The following CIAO2A variants were observed in gnomAD, a reference collection of about 807,000 sequenced individuals.
The protein encoded by CIAO2A is MIP18 family protein FAM96A.
A neutral mutation model predicts 22.4 loss-of-function variants in CIAO2A; 17 were observed. That is an observed-to-expected ratio of 0.76 (90% CI 0.52 to 1.14). CIAO2A has a LOEUF of 1.14. Among genes scored for constraint, CIAO2A ranks in the 50% most tolerant of loss-of-function variants. CIAO2A has a pLI of 0.00. For missense variants in CIAO2A, 192 were observed against 191.4 expected (o/e 1.00, Z -0.02); for synonymous variants, 74 against 72.3 (o/e 1.02, Z -0.12).
intron 2 of CIAO2A, among the ~76,000 whole-genome samples, chr15:64,087,275 T>C (rs955770025): frequency 6.6e-6 from 1 of 151,904 alleles, no homozygotes; most frequent in African/African-American, 2.4e-5. Context: ...ATAGTTTTAG[T>C]AGAGACAGGG....
chr15:64,089,237 A>C lies in CIAO2A; in HGVS notation c.125-386T>G, dbSNP rs188510840. 3.8e-4 allele frequency among the ~76,000 whole-genome samples: 58 copies of C among 152,294 alleles called. 1 individual carries two copies. The highest frequency in any genetic ancestry group is 2.7e-3 in the East Asian group (14 of 5,188). ...AATATTTGACATTTAAAGTGAAGGA[A>C]AGTAGCTGGGCATGGTGGCTCACAC... On this transcript the variant is annotated intron_variant, in intron 1 of 4. Coordinates refer to ENST00000300030, the MANE Select transcript of CIAO2A (RefSeq NM_032231.7).
At chr15:64,087,106 T>TG (rs1401403027) in intron 2 of CIAO2A, among the ~76,000 whole-genome samples, 1 of 145,798 alleles carries the variant, frequency 6.9e-6, no homozygotes, top group Non-Finnish European at 1.5e-5. Flanking sequence ...TTTTTTTTTT[T>TG]GGGAGATAAG....
At chr15:64,086,779 A>G (rs1361400136) in intron 2 of CIAO2A, among the ~76,000 whole-genome samples, 1 of 150,794 alleles carries the variant, frequency 6.6e-6, no homozygotes, top group African/African-American at 2.4e-5. Context: ...ATGCCCAGCT[A>G]ATTTTTGTAT....
chr15:64,086,962 T>A (rs1182729758), intron 2 of CIAO2A, among the ~76,000 whole-genome samples: 4 of 141,442 alleles, frequency 2.8e-5, no homozygotes, highest in Non-Finnish European at 6.2e-5. Flanking sequence ...CCCAGGTTGG[T>A]GTGCAATGGC....
chr15:64,085,233 A>G (rs2080784789), intron 2 of CIAO2A, among the ~76,000 whole-genome samples: 1 of 152,214 alleles, frequency 6.6e-6, no homozygotes, highest in African/African-American at 2.4e-5. Flanking sequence ...TAACTATATA[A>G]TTAAAGAATA....
rs1174224936 is a variant in CIAO2A at position 64,081,123 on chromosome 15, T to C, written c.318A>G (p.Arg106=). The C allele has an allele frequency of 6.2e-7, 1 of 1,613,510 alleles. No homozygotes were observed. The highest frequency in any genetic ancestry group is 8.5e-7 in the Non-Finnish European group (1 of 1,179,890). Residue 106 remains arginine, a synonymous_variant, in exon 3 of 5, where the codon CGA becomes CGG. Transcript: ENST00000300030. ...IGLCLRVKLQ[R]CLPFKHKLEI... ...TTACCTTATGTTTAAATGGTAAACA[T>C]CGCTGAAGTTTTACTCTTAAGCACA...
intron 2 of CIAO2A, 106 bp downstream of exon 2, chr15:64,088,575 TACATAC>T (rs2080815138): frequency 1.3e-6 from 1 of 799,044 alleles, no homozygotes; most frequent in East Asian, 2.7e-5. Flanking sequence ...TAAAGTGTAA[TACATAC>T]ACTGTATGGT....
chr15:64,073,141 C>T (rs4622459), intron 4 of CIAO2A, 113 bp from the exon 5 acceptor site: 408,074 of 637,246 alleles, frequency 0.64, 141,502 homozygotes, highest in East Asian at 0.81. Context: ...GAACTTAAAC[C>T]TGTTTTTGGC....
chr15:64,091,214 C>T (rs2080837110), intron 1 of CIAO2A, among the ~76,000 whole-genome samples: 1 of 152,206 alleles, frequency 6.6e-6, no homozygotes, highest in African/African-American at 2.4e-5. Context: ...AACATGACGG[C>T]TCATGCCTGT....
At chr15:64,081,269 GCTCA>G in intron 2 of CIAO2A, 118 bp from the exon 3 acceptor site, 1 of 844,742 alleles carries the variant, frequency 1.2e-6, no homozygotes, top group Non-Finnish European at 1.9e-6. Flanking sequence ...AACAGCTTTG[GCTCA>G]ATCCAGAGCA....
Position 64,073,002 on chromosome 15 carries a change from G to T in CIAO2A, c.412C>A (p.Arg138=), listed in dbSNP as rs1467688371. The T allele has an allele frequency of 6.2e-7, 1 of 1,613,170 alleles. No individual in the cohort carries two copies. Among genetic ancestry groups the T allele is most frequent in the Non-Finnish European group, 8.5e-7 (1 of 1,179,506 alleles). Residue 138 remains arginine (R), a synonymous_variant, in exon 5 of 5, where the codon CGA becomes AGA. Transcript: ENST00000300030. ...GGGTTTTCCATTGCAGCTGCCACTC[G>T]CTCTTTGTCATTTATCTGCTTATTG... ...DINKQINDKE[R]VAAAMENPNL... is the part of the protein sequence containing the mutation.
intron 3 of CIAO2A, among the ~76,000 whole-genome samples, chr15:64,079,174 A>T (rs1276279874): frequency 1.3e-5 from 2 of 152,176 alleles, no homozygotes; most frequent in Non-Finnish European, 2.9e-5. Flanking sequence ...ATAAAAATTC[A>T]TCTTAAAAAG....
intron 2 of CIAO2A, among the ~76,000 whole-genome samples, chr15:64,087,628 C>T (rs969313416): frequency 2.6e-5 from 4 of 152,114 alleles, no homozygotes; most frequent in Admixed American, 6.5e-5. Flanking sequence ...GCAGAGGGAA[C>T]CCAGGTCAAC....
At chr15:64,083,041 GTAATAA>G (rs546473361) in intron 2 of CIAO2A, among the ~76,000 whole-genome samples, 61 of 148,594 alleles carry the variant, frequency 4.1e-4, no homozygotes, top group Admixed American at 1.5e-3. Context: ...ATCTCTAAAA[GTAATAA>G]TAATAATAAT....
chr15:64,080,207 G>GA (rs1299257362), intron 3 of CIAO2A, among the ~76,000 whole-genome samples: 2 of 151,880 alleles, frequency 1.3e-5, no homozygotes, highest in African/African-American at 4.8e-5. Flanking sequence ...CCAACATGGT[G>GA]AAACCCTGTC....
intron 3 of CIAO2A, among the ~76,000 whole-genome samples, chr15:64,080,361 C>G (rs1323772864): frequency 6.6e-6 from 1 of 151,974 alleles, no homozygotes; most frequent in African/African-American, 2.4e-5. Flanking sequence ...GCACTCCAGC[C>G]TGGCGACAGG....
At chr15:64,077,173 G>T (rs1019620529) in intron 3 of CIAO2A, among the ~76,000 whole-genome samples, 3 of 152,058 alleles carry the variant, frequency 2.0e-5, no homozygotes, top group Admixed American at 6.6e-5. Context: ...TTAGCCGGGC[G>T]TGTATTACCA....
chr15:64,078,346 G>A (rs953529211), intron 3 of CIAO2A, among the ~76,000 whole-genome samples: 1 of 152,180 alleles, frequency 6.6e-6, no homozygotes, highest in African/African-American at 2.4e-5. Flanking sequence ...GAAGCTGACA[G>A]CTAGCTGGTC....
At chr15:64,074,468 G>A (rs1048330827) in intron 4 of CIAO2A, 5 of 152,122 alleles carry the variant, frequency 3.3e-5, no homozygotes, top group Admixed American at 2.0e-4. Flanking sequence ...ATCATTCAAG[G>A]AATTTCAAAA....
Sources: gnomAD v4.1 joint callset for allele counts (sites outside exome capture counted in the v4.1 genomes callset) on GRCh38, gnomAD v4.1.1 for gene constraint, MANE v1.5 for transcripts, NCBI Gene and HGNC (gene_info 2026-07-23, HGNC 2026-07-21) for gene names.